The following ETV6 variants were observed in gnomAD, a reference collection of about 807,000 sequenced individuals.
ETV6 encodes the protein transcription factor ETV6.
Under a neutral mutation model 51.1 loss-of-function variants are expected in ETV6, and 16 were observed. That is an observed-to-expected ratio of 0.31 (90% confidence interval 0.21 to 0.48). The LOEUF is 0.48. Among genes scored for constraint, ETV6 ranks in the 20% least tolerant of loss-of-function variants. The pLI, the probability that ETV6 is intolerant of heterozygous loss-of-function variation, is 0.99. For missense variants in ETV6, 458 were observed against 594.8 expected (o/e 0.77, Z 2.39); for synonymous variants, 240 against 224.1 (o/e 1.07, Z -0.64).
chr12:11,752,811 A>G (rs942641816), intron 2 of ETV6: 7 of 405,322 alleles, frequency 1.7e-5, no homozygotes, highest in Non-Finnish European at 2.2e-5. Flanking sequence ...GACATGTTAA[A>G]AAAAAAAGAA....
chr12:11,674,813 CT>C (rs918309008), intron 1 of ETV6, among the ~76,000 whole-genome samples: 6 of 152,082 alleles, frequency 3.9e-5, no homozygotes, highest in African/African-American at 1.4e-4. Flanking sequence ...CACTCTCTCA[CT>C]GCCCCAGGAG....
intron 2 of ETV6, among the ~76,000 whole-genome samples, chr12:11,772,642 A>G (rs1245926485): frequency 6.6e-6 from 1 of 152,242 alleles, no homozygotes; most frequent in African/African-American, 2.4e-5. Context: ...TGGACTTGAT[A>G]TTGACTAAAA....
chr12:11,879,941 A>G (rs917130701), intron 5 of ETV6, among the ~76,000 whole-genome samples: 5 of 152,010 alleles, frequency 3.3e-5, no homozygotes, highest in African/African-American at 4.8e-5. Flanking sequence ...AACAACCTCT[A>G]AAGGATCTAG....
intron 2 of ETV6, among the ~76,000 whole-genome samples, chr12:11,805,552 A>C (rs1244160451): frequency 6.6e-6 from 1 of 152,242 alleles, no homozygotes; most frequent in East Asian, 1.9e-4. Flanking sequence ...GCATACATTT[A>C]AGAGGAGACT....
At chr12:11,686,215 G>A (rs186206130) in intron 1 of ETV6, among the ~76,000 whole-genome samples, 66 of 152,290 alleles carry the variant, frequency 4.3e-4, no homozygotes, top group African/African-American at 1.5e-3. Context: ...TGATTTGCCC[G>A]ACATCAATGC....
At chr12:11,778,592 G>C (rs1006183841) in intron 2 of ETV6, among the ~76,000 whole-genome samples, 2 of 152,192 alleles carry the variant, frequency 1.3e-5, no homozygotes, top group African/African-American at 4.8e-5. Flanking sequence ...TTTCCTTGTG[G>C]AGGGTAGATC....
chr12:11,805,352 T>G (rs1185079466), intron 2 of ETV6, among the ~76,000 whole-genome samples: 3 of 152,222 alleles, frequency 2.0e-5, no homozygotes, highest in African/African-American at 7.2e-5. Context: ...CATTGTTTCC[T>G]CTCCCATTCT....
intron 1 of ETV6, among the ~76,000 whole-genome samples, chr12:11,736,933 G>A (rs2121001315): frequency 6.6e-6 from 1 of 152,342 alleles, no homozygotes; most frequent in South Asian, 2.1e-4. Flanking sequence ...CGAGTGTCCA[G>A]TGCAAGCTCT....
At chr12:11,863,146 C>T (rs1353887786) in intron 4 of ETV6, among the ~76,000 whole-genome samples, 4 of 152,284 alleles carry the variant, frequency 2.6e-5, no homozygotes, top group South Asian at 2.1e-4. Context: ...GGAAACTTAT[C>T]GGTCAAAACT....
At chr12:11,886,124 A>G (rs1464741618) in intron 7 of ETV6, 98 bp downstream of exon 7, 4 of 819,634 alleles carry the variant, frequency 4.9e-6, no homozygotes, top group East Asian at 4.9e-5. Context: ...CTACCTGCCT[A>G]TCGGATACCC....
chr12:11,866,755 CT>C (rs1180560226), intron 4 of ETV6, among the ~76,000 whole-genome samples: 2 of 152,232 alleles, frequency 1.3e-5, no homozygotes, highest in Admixed American at 1.3e-4. Context: ...CCGCTTAGAT[CT>C]TTTGATTATA....
intron 1 of ETV6, among the ~76,000 whole-genome samples, chr12:11,682,139 C>T (rs190336558): frequency 8.5e-5 from 13 of 152,256 alleles, no homozygotes; most frequent in African/African-American, 2.6e-4. Context: ...CTTGAGGAAT[C>T]GCCGCACTGT....
intron 2 of ETV6, among the ~76,000 whole-genome samples, chr12:11,792,513 C>G (rs926468957): frequency 1.3e-5 from 2 of 151,898 alleles, no homozygotes; most frequent in African/African-American, 4.8e-5. Flanking sequence ...ATGGTGAAAC[C>G]CTGTCTCTAC....
chr12:11,751,349 T>C (rs1866023104), intron 1 of ETV6: 1 of 518,878 alleles, frequency 1.9e-6, no homozygotes, highest in Non-Finnish European at 3.8e-6. Flanking sequence ...TTGAGTTTTA[T>C]TTTCATAGTG....
intron 2 of ETV6, among the ~76,000 whole-genome samples, chr12:11,808,194 A>C (rs1364041827): frequency 1.3e-5 from 2 of 152,242 alleles, no homozygotes; most frequent in Non-Finnish European, 2.9e-5. Flanking sequence ...TGTGTGACAG[A>C]CGCAAGGGCA....
intron 2 of ETV6, among the ~76,000 whole-genome samples, chr12:11,754,174 A>T (rs1591650989): frequency 6.6e-6 from 1 of 152,200 alleles, no homozygotes; most frequent in Non-Finnish European, 1.5e-5. Context: ...CTGCTACCTA[A>T]TTCATTCATT....
At chr12:11,825,364 ACAACT>A (rs1946137101) in intron 2 of ETV6, among the ~76,000 whole-genome samples, 2 of 152,374 alleles carry the variant, frequency 1.3e-5, no homozygotes, top group African/African-American at 4.8e-5. Context: ...GGTTTTAAAA[ACAACT>A]CAAGAAAAAG....
At chr12:11,791,945 GAGA>G (rs544132656) in intron 2 of ETV6, among the ~76,000 whole-genome samples, 2 of 152,116 alleles carry the variant, frequency 1.3e-5, no homozygotes, top group Non-Finnish European at 2.9e-5. Context: ...CCATTTTCTG[GAGA>G]AGAAGTGAGA....
In ETV6 at chr12:11,677,058, G is replaced by T. The variant is rs534017167; in HGVS notation, c.33+26898G>T. 2.6e-5 allele frequency among the ~76,000 whole-genome samples: 4 copies of T among 152,320 alleles called. No homozygotes were observed. In the East Asian group the frequency reaches 7.7e-4, roughly 29 times the overall value. On this transcript the variant is annotated intron_variant, in intron 1 of 7. Transcript: ENST00000396373. Reference sequence around the variant, plus strand: ...CAGAATATTAAGTTACACATAACCTGCAGTGGTTTGGTTTTTAAATTGAGT... The same window carrying T: ...CAGAATATTAAGTTACACATAACCTTCAGTGGTTTGGTTTTTAAATTGAGT...
Sources: gnomAD v4.1 joint callset for allele counts (sites outside exome capture counted in the v4.1 genomes callset) on GRCh38, gnomAD v4.1.1 for gene constraint, MANE v1.5 for transcripts, NCBI Gene and HGNC (gene_info 2026-07-23, HGNC 2026-07-21) for gene names.